The following FAM151B variants were observed in gnomAD, a reference collection of about 807,000 sequenced individuals.
FAM151B encodes the protein protein FAM151B.
Under a neutral mutation model 31.2 loss-of-function variants are expected in FAM151B, and 24 were observed. The ratio of observed to expected loss-of-function variants is 0.77; its 90% CI spans 0.56 to 1.08. The LOEUF (loss-of-function observed/expected upper bound fraction) is 1.08. FAM151B is among the 50% of genes least tolerant of loss of function. The probability of loss-of-function intolerance (pLI) is 0.00; values close to 1 mark genes in which losing one functional copy is unlikely to be tolerated. For missense variants in FAM151B, 293 were observed against 328.6 expected (o/e 0.89, Z 0.84); for synonymous variants, 105 against 111.4 (o/e 0.94, Z 0.36).
chr5:80,507,899 T>G (rs1357345585), intron 2 of FAM151B, among the ~76,000 whole-genome samples: 2 of 152,068 alleles, frequency 1.3e-5, no homozygotes, highest in African/African-American at 4.8e-5. Context: ...CACACATTCT[T>G]TCCTGGAAAG....
chr5:80,512,051 A>G (rs1744212198), intron 2 of FAM151B, among the ~76,000 whole-genome samples: 1 of 152,116 alleles, frequency 6.6e-6, no homozygotes, highest in Non-Finnish European at 1.5e-5. Flanking sequence ...TTTTTTTCAA[A>G]TTTGACTCCA....
Position 80,488,114 on chromosome 5 carries a change from C to A in FAM151B, c.-10C>A. On this transcript the variant is annotated 5_prime_UTR_variant, in exon 1 of 6. Coordinates refer to ENST00000282226, the MANE Select transcript of FAM151B (RefSeq NM_205548.3). ...CCTGGGCGCCTGCGCGGACGGCGGG[C>A]GTCGTCACCATGGCAGCATCCGCTG... is the stretch of plus-strand genomic sequence containing the variant. 6.5e-7 allele frequency: 1 copy of A among 1,541,252 alleles called. No homozygotes were observed. The highest frequency in any genetic ancestry group is 8.7e-7 in the Non-Finnish European group (1 of 1,147,096).
chr5:80,537,863 A>G (rs943181264), intron 5 of FAM151B, among the ~76,000 whole-genome samples: 1 of 151,982 alleles, frequency 6.6e-6, no homozygotes, highest in Non-Finnish European at 1.5e-5. Flanking sequence ...TTCTTTTAAA[A>G]GTATTTTAAA....
rs75657938 is a variant in FAM151B at position 80,520,827 on chromosome 5, T to A, written c.535+917T>A. On this transcript the variant is annotated intron_variant, in intron 4 of 5. Coordinates refer to ENST00000282226, the MANE Select transcript of FAM151B (RefSeq NM_205548.3). ...TTTTCCATGTGGTTTTTTTTTTTTT[T>A]AAATAGAGTCTTGCTCTGTTGCCCA... is the stretch of plus-strand genomic sequence containing the variant. Among the ~76,000 whole-genome samples the A allele has an allele frequency of 2.1e-4, 32 of 149,080 alleles. 1 individual carries two copies. The East Asian group carries it at 5.5e-3, about 25-fold the overall frequency.
chr5:80,513,663 C>A lies in FAM151B; in HGVS notation c.211C>A (p.Gln71Lys), dbSNP rs1353865576. 4 of 1,613,964 alleles carry A rather than the reference C, an allele frequency of 2.5e-6. No individual in the cohort carries two copies. Among genetic ancestry groups the A allele is most frequent in the Non-Finnish European group, 3.4e-6 (4 of 1,180,034 alleles). Residue 71 changes from glutamine (Q) to lysine (K), a missense_variant, in exon 3 of 6, where the codon CAG (glutamine) becomes AAG (lysine). Coordinates refer to ENST00000282226, the MANE Select transcript of FAM151B (RefSeq NM_205548.3). Reference sequence around the variant, plus strand: ...TCCAAGTGATGGATCAGAACACAGCCAGCCAATTATGGCCCATCCCCCTGA... The same window carrying A: ...TCCAAGTGATGGATCAGAACACAGCAAGCCAATTATGGCCCATCCCCCTGA... ...LLPSDGSEHS[Q>K]PIMAHPPETN...
chr5:80,521,953 T>A, intron 4 of FAM151B, 50 bp from the exon 5 acceptor site: 1 of 1,375,596 alleles, frequency 7.3e-7, no homozygotes, highest in Non-Finnish European at 1.0e-6. Context: ...TATTTAATTG[T>A]CTTTCAAGAT....
chr5:80,496,534 C>A (rs539114723), intron 1 of FAM151B, among the ~76,000 whole-genome samples: 63 of 152,174 alleles, frequency 4.1e-4, no homozygotes, highest in Middle Eastern at 3.4e-3. Context: ...ATAACTGAAC[C>A]TTCTATCTCA....
chr5:80,541,596 G>A (rs1745894529), intron 5 of FAM151B, 77 bp from the exon 6 acceptor site: 25 of 1,373,188 alleles, frequency 1.8e-5, no homozygotes, highest in Middle Eastern at 1.9e-4. Context: ...ATAAATGAAA[G>A]CATTTTTAGG....
At chr5:80,503,450 T>A (rs1258193246) in intron 2 of FAM151B, among the ~76,000 whole-genome samples, 1 of 151,984 alleles carries the variant, frequency 6.6e-6, no homozygotes, top group Non-Finnish European at 1.5e-5. Context: ...GTACCTGTAG[T>A]CACAGCTACT....
chr5:80,536,141 TTTTAG>T (rs113261883), intron 5 of FAM151B, among the ~76,000 whole-genome samples: 7,335 of 151,364 alleles, frequency 0.048, 247 homozygotes, highest in Middle Eastern at 0.075. Context: ...GGTACGAGGG[TTTTAG>T]TTTAGTTTAG....
At chr5:80,533,623 A>C (rs895466251) in intron 5 of FAM151B, among the ~76,000 whole-genome samples, 3 of 145,994 alleles carry the variant, frequency 2.1e-5, no homozygotes, top group Non-Finnish European at 4.5e-5. Flanking sequence ...GGTGGCACGC[A>C]CCTGTAATCC....
intron 2 of FAM151B, among the ~76,000 whole-genome samples, chr5:80,512,809 A>G (rs139135420): frequency 2.9e-3 from 441 of 152,204 alleles, no homozygotes; most frequent in African/African-American, 7.6e-3. Context: ...ATTTAAAAAA[A>G]TGTAAGTAAA....
chr5:80,497,031 G>A (rs1456836749), intron 1 of FAM151B, among the ~76,000 whole-genome samples: 2 of 151,672 alleles, frequency 1.3e-5, no homozygotes, highest in Admixed American at 1.3e-4. Flanking sequence ...GGCTGGTCTC[G>A]AACTCCTGAC....
At chr5:80,490,835 C>T (rs1743306735) in intron 1 of FAM151B, among the ~76,000 whole-genome samples, 2 of 152,004 alleles carry the variant, frequency 1.3e-5, no homozygotes, top group Non-Finnish European at 2.9e-5. Context: ...GAGTTGTTTC[C>T]ATCTTTTGGG....
At chr5:80,517,142 T>TGA (rs888398500) in intron 3 of FAM151B, among the ~76,000 whole-genome samples, 4 of 151,264 alleles carry the variant, frequency 2.6e-5, no homozygotes, top group East Asian at 1.9e-4. Context: ...TATGCTATTT[T>TGA]GAGAGAGAGA....
chr5:80,520,042 C>A, intron 4 of FAM151B, 132 bp downstream of exon 4: 1 of 736,914 alleles, frequency 1.4e-6, no homozygotes, highest in Non-Finnish European at 2.2e-6. Context: ...CCTGACCCTT[C>A]AGGTATGTGC....
At chr5:80,528,266 C>A (rs1265453836) in intron 5 of FAM151B, among the ~76,000 whole-genome samples, 1 of 151,912 alleles carries the variant, frequency 6.6e-6, no homozygotes, top group African/African-American at 2.4e-5. Flanking sequence ...AGAAAATCAC[C>A]TTCACTAAAA....
chr5:80,491,206 T>C (rs1221656091), intron 1 of FAM151B, among the ~76,000 whole-genome samples: 2 of 1,498 alleles, frequency 1.3e-3, no homozygotes, highest in African/African-American at 1.4e-3. Flanking sequence ...AATACACTAT[T>C]ATTATTATTA....
chr5:80,497,801 G>C (rs1481033544), intron 1 of FAM151B, among the ~76,000 whole-genome samples: 1 of 144,336 alleles, frequency 6.9e-6, no homozygotes, highest in African/African-American at 2.6e-5. Context: ...CGTGGGGTAG[G>C]GGGAGGGGGG....
Sources: allele counts gnomAD v4.1 joint callset (sites outside exome capture counted in the v4.1 genomes callset), GRCh38; gene constraint gnomAD v4.1.1; transcripts MANE v1.5; gene names NCBI Gene and HGNC (gene_info 2026-07-23, HGNC 2026-07-21).